Variants in CBFA2T3 observed in about 807,000 individuals in gnomAD.
The protein encoded by CBFA2T3 is CBFA2/RUNX1 partner transcriptional co-repressor 3, also known as transcriptional corepressor CBFA2T3.
CBFA2T3 carries 31 observed loss-of-function variants against 58.6 expected under a neutral mutation model. That is an observed-to-expected ratio of 0.53 (90% CI 0.40 to 0.71). The LOEUF is 0.71. Ranked by LOEUF, CBFA2T3 falls within the 30% of genes least tolerant of loss-of-function variation. CBFA2T3 has a pLI of 0.00. For synonymous variants in CBFA2T3, 531 were observed against 421.9 expected, an observed-to-expected ratio of 1.26 and a Z score of -3.17; for missense variants, 1,076 against 963.1, an observed-to-expected ratio of 1.12 and a Z score of -1.55.
intron 10 of CBFA2T3, among the ~76,000 whole-genome samples, chr16:88,880,497 C>T (rs1022083789): frequency 1.1e-4 from 16 of 152,220 alleles, no homozygotes; most frequent in Non-Finnish European, 5.9e-5. Flanking sequence ...TTCTGCTGGG[C>T]GGCCACCGGT....
intron 1 of CBFA2T3, among the ~76,000 whole-genome samples, chr16:88,909,984 G>A (rs1285409625): frequency 1.3e-5 from 2 of 152,100 alleles, no homozygotes; most frequent in East Asian, 3.9e-4. Flanking sequence ...AGCTGTCCAC[G>A]GCGGCTCCCA....
chr16:88,920,036 G>T (rs1212621668), intron 1 of CBFA2T3, among the ~76,000 whole-genome samples: 1 of 152,244 alleles, frequency 6.6e-6, no homozygotes, highest in African/African-American at 2.4e-5. Flanking sequence ...TCTGCTCAAG[G>T]ATTCAACCCG....
chr16:88,976,130 TC>T (rs1972854859), intron 1 of CBFA2T3, among the ~76,000 whole-genome samples: 1 of 152,144 alleles, frequency 6.6e-6, no homozygotes, highest in African/African-American at 2.4e-5. Context: ...AGGCCCAGGT[TC>T]CCCGTAAACC....
chr16:88,974,416 G>T (rs1219911183), intron 1 of CBFA2T3, among the ~76,000 whole-genome samples: 1 of 152,026 alleles, frequency 6.6e-6, no homozygotes, highest in Non-Finnish European at 1.5e-5. Context: ...AGACGGCGGC[G>T]TGTGCTCTGT....
At chr16:88,928,145 C>A (rs1376988261) in intron 1 of CBFA2T3, among the ~76,000 whole-genome samples, 2 of 150,884 alleles carry the variant, frequency 1.3e-5, no homozygotes, top group Non-Finnish European at 2.9e-5. Context: ...TGTTCCGACT[C>A]CTTGGCCCGA....
chr16:88,887,449 G>A (rs561159570), intron 5 of CBFA2T3, among the ~76,000 whole-genome samples: 54 of 152,214 alleles, frequency 3.5e-4, no homozygotes, highest in Non-Finnish European at 6.8e-4. Flanking sequence ...CTGGCTGGCT[G>A]GGGCCAGCTG....
chr16:88,907,683 G>A (rs1052629806), intron 1 of CBFA2T3, among the ~76,000 whole-genome samples: 39 of 152,210 alleles, frequency 2.6e-4, no homozygotes, highest in African/African-American at 9.4e-4. Flanking sequence ...GAACCCCGAG[G>A]GGAGGCACCT....
intron 1 of CBFA2T3, among the ~76,000 whole-genome samples, chr16:88,945,929 C>G (rs950022983): frequency 3.3e-5 from 5 of 152,196 alleles, no homozygotes; most frequent in African/African-American, 1.2e-4. Context: ...CCGCCTTCAA[C>G]AGGTGAATAC....
intron 8 of CBFA2T3, among the ~76,000 whole-genome samples, chr16:88,881,950 G>A (rs1464214294): frequency 2.0e-5 from 3 of 152,358 alleles, no homozygotes; most frequent in South Asian, 2.1e-4. Context: ...CCCCGAACAC[G>A]TCCTGCCTCA....
chr16:88,905,394 T>C (rs1294515171), intron 1 of CBFA2T3, among the ~76,000 whole-genome samples: 1 of 151,976 alleles, frequency 6.6e-6, no homozygotes, highest in Non-Finnish European at 1.5e-5. Context: ...CAGGAGAGGC[T>C]GCCCCGCCCC....
At chr16:88,976,150 C>T (rs921987211) in intron 1 of CBFA2T3, among the ~76,000 whole-genome samples, 1 of 152,208 alleles carries the variant, frequency 6.6e-6, no homozygotes. Flanking sequence ...CCCCCACTGC[C>T]CTGGCTGGAA....
intron 3 of CBFA2T3, among the ~76,000 whole-genome samples, chr16:88,894,530 T>C (rs1005086006): frequency 1.6e-5 from 2 of 127,042 alleles, no homozygotes; most frequent in Non-Finnish European, 1.6e-5. Flanking sequence ...TGCATACATA[T>C]ACACATGCAC....
intron 1 of CBFA2T3, among the ~76,000 whole-genome samples, chr16:88,904,132 G>A (rs1041465457): frequency 6.6e-6 from 1 of 152,212 alleles, no homozygotes; most frequent in Admixed American, 6.5e-5. Flanking sequence ...CTGCGTGCTC[G>A]TGACACTCTG....
chr16:88,935,112 C>T (rs976007523), intron 1 of CBFA2T3, among the ~76,000 whole-genome samples: 24 of 152,206 alleles, frequency 1.6e-4, no homozygotes, highest in Admixed American at 4.6e-4. Context: ...CACAGGGATA[C>T]GTGGAGTCCA....
chr16:88,880,218 C>T (rs1468628257), intron 10 of CBFA2T3, among the ~76,000 whole-genome samples: 1 of 151,944 alleles, frequency 6.6e-6, no homozygotes, highest in African/African-American at 2.4e-5. Flanking sequence ...ACCCCGGTAC[C>T]GCTGCCCAAC....
At chr16:88,949,792 C>G (rs915763983) in intron 1 of CBFA2T3, among the ~76,000 whole-genome samples, 1 of 152,118 alleles carries the variant, frequency 6.6e-6, no homozygotes, top group Non-Finnish European at 1.5e-5. Flanking sequence ...AGGCAGACCA[C>G]TTAGGGTCAG....
chr16:88,891,811 G>T, intron 5 of CBFA2T3, 71 bp downstream of exon 5: 2 of 1,076,374 alleles, frequency 1.9e-6, no homozygotes, highest in Non-Finnish European at 2.8e-6. Context: ...CGCTGTCCAC[G>T]CTGGCAAGGA....
rs538808260 is a variant in CBFA2T3, at chr16:88,945,160, T to C, written c.151+31497A>G. Among the ~76,000 whole-genome samples the C allele has an allele frequency of 2.0e-5, 3 of 152,362 alleles. No homozygotes were observed. The East Asian group carries it at 5.8e-4, about 29-fold the overall frequency. On this transcript the variant is annotated intron_variant, in intron 1 of 11. Coordinates refer to ENST00000268679, the MANE Select transcript of CBFA2T3 (RefSeq NM_005187.6). Reference sequence around the variant, plus strand: ...AAGCGGGTGGCTAATGGATTCTAGATACCATAGCAATTTGATAGCCACTGT... The same window carrying C: ...AAGCGGGTGGCTAATGGATTCTAGACACCATAGCAATTTGATAGCCACTGT...
intron 1 of CBFA2T3, among the ~76,000 whole-genome samples, chr16:88,925,911 G>A (rs972867787): frequency 6.6e-6 from 1 of 152,240 alleles, no homozygotes; most frequent in African/African-American, 2.4e-5. Context: ...ACGTTTTTAC[G>A]ATGATTTTTA....
Sources: allele counts gnomAD v4.1 joint callset (sites outside exome capture counted in the v4.1 genomes callset), GRCh38; gene constraint gnomAD v4.1.1; transcripts MANE v1.5; gene names NCBI Gene and HGNC (gene_info 2026-07-23, HGNC 2026-07-21).